Variants in ITGA2 observed in about 807,000 individuals in gnomAD.
The protein encoded by ITGA2 is integrin subunit alpha 2.
ITGA2 carries 101 observed loss-of-function variants against 146.3 expected under a neutral mutation model. That is an observed-to-expected ratio of 0.69 (90% CI 0.59 to 0.81). The LOEUF (loss-of-function observed/expected upper bound fraction) is 0.81, where lower values mean the gene tolerates loss of function less well. ITGA2 is among the 40% of genes least tolerant of loss of function. The probability of loss-of-function intolerance (pLI) is 0.00; values close to 1 mark genes in which losing one functional copy is unlikely to be tolerated. For synonymous variants in ITGA2, 477 were observed against 487.1 expected (o/e 0.98, Z 0.27); for missense variants, 1,281 against 1,402.7 (o/e 0.91, Z 1.39).
chr5:53,080,477 G>T (rs574863995), intron 24 of ITGA2, 34 bp from the exon 25 acceptor site: 22 of 1,526,298 alleles, frequency 1.4e-5, no homozygotes, highest in Middle Eastern at 3.4e-4. Context: ...TGTACATCCT[G>T]TTGCAGTACT....
Position 53,055,557 on chromosome 5 carries a change from G to T in ITGA2, c.799G>T (p.Ala267Ser). The change falls in exon 8 of 30, where the codon GCT becomes TCT. Residue 267 changes from alanine (A) to serine (S), a missense_variant. Transcript: ENST00000296585. Reference sequence around the variant, plus strand: ...CCACAGAAAATATGCTTATTCAGCAGCTTCTGGTGGGCGACGAAGTGCTAC... The same window carrying T: ...CCACAGAAAATATGCTTATTCAGCATCTTCTGGTGGGCGACGAAGTGCTAC... ...QYARKYAYSA[A>S]SGGRRSATKV... 1 of 1,613,000 alleles carries T rather than the reference G, an allele frequency of 6.2e-7. No individual in the cohort carries two copies. The highest frequency in any genetic ancestry group is 8.5e-7 in the Non-Finnish European group (1 of 1,179,280).
chr5:53,087,835 C>T (rs544599401), intron 28 of ITGA2, among the ~76,000 whole-genome samples: 1 of 152,308 alleles, frequency 6.6e-6, no homozygotes, highest in East Asian at 1.9e-4. Flanking sequence ...GAGTTGAAAG[C>T]CAGTTTAAGA....
At chr5:53,047,237 T>C (rs1248158198) in intron 4 of ITGA2, among the ~76,000 whole-genome samples, 1 of 152,244 alleles carries the variant, frequency 6.6e-6, no homozygotes, top group Non-Finnish European at 1.5e-5. Flanking sequence ...TTATAACTGA[T>C]TCACAACTTT....
intron 1 of ITGA2, among the ~76,000 whole-genome samples, chr5:53,010,875 G>A (rs1742089991): frequency 6.6e-6 from 1 of 152,084 alleles, no homozygotes. Flanking sequence ...TTATCTGGGT[G>A]AGAGCTAAAT....
Position 53,067,101 on chromosome 5 carries a change from C to T in ITGA2, c.1944-17C>T. 4 of 1,607,788 alleles carry T rather than the reference C, an allele frequency of 2.5e-6. No individual in the cohort carries two copies. Among genetic ancestry groups the T allele is most frequent in the Non-Finnish European group, 3.4e-6 (4 of 1,177,054 alleles). The stretch of plus-strand genomic sequence containing the variant: ...AGTAATAACATCCATCCATCTGTTA[C>T]TCTTTATGTCTTTTAGGTCACAAAG... On this transcript the variant is annotated splice_polypyrimidine_tract_variant and intron_variant, in intron 15 of 29. Transcript: ENST00000296585.
chr5:53,058,194 CTAGGGA>C, intron 10 of ITGA2, 93 bp downstream of exon 10: 1 of 914,116 alleles, frequency 1.1e-6, no homozygotes, highest in South Asian at 1.3e-5. Context: ...AGACAGCCAT[CTAGGGA>C]TCAGCCCTTC....
In ITGA2 at chr5:53,085,922, T is replaced by C. The variant is rs116019117; in HGVS notation, c.3259-1030T>C. ...TATTGAAAAAATAGACTTTTTTTTT[T>C]CCCCCAGACAGAGCCTTGCTCTGTT... On this transcript the variant is annotated intron_variant, in intron 27 of 29. Transcript: ENST00000296585. Among the ~76,000 whole-genome samples, 375 of 152,112 alleles carry C rather than the reference T, an allele frequency of 2.5e-3. 1 individual carries two copies. The highest frequency in any genetic ancestry group is 8.0e-3 in the African/African-American group (331 of 41,478).
rs908910861 is a variant in ITGA2 at position 53,070,313 on chromosome 5, A to G, written c.2235+53A>G. 27 of 1,583,256 alleles carry G rather than the reference A, an allele frequency of 1.7e-5. No individual in the cohort carries two copies. In the African/African-American group the frequency reaches 3.4e-4, roughly 20 times the overall value. The stretch of plus-strand genomic sequence containing the variant: ...CTTTATTTCTTCCTAAAGACGAGAG[A>G]GTGGTAAAAGTCAAAAATGGAAGCT... On this transcript the variant is annotated intron_variant, in intron 17 of 29. Transcript: ENST00000296585.
chr5:53,047,662 A>G (rs894482734), intron 4 of ITGA2, among the ~76,000 whole-genome samples: 2 of 152,120 alleles, frequency 1.3e-5, no homozygotes, highest in Non-Finnish European at 2.9e-5. Flanking sequence ...AACACAACCT[A>G]TTTCATACCC....
rs369644820 is a variant in ITGA2 at position 53,006,883 on chromosome 5, A to T, written c.64+17351A>T. On this transcript the variant is annotated intron_variant, in intron 1 of 29. Transcript: ENST00000296585. ...AACATAAAAAAAAATTCATTAATCA[A>T]CTTCATCAATTCAGAGGTTCTGGAT... Among the ~76,000 whole-genome samples, 32 of 152,316 alleles carry T rather than the reference A, an allele frequency of 2.1e-4. No individual in the cohort carries two copies. The East Asian group carries it at 6.0e-3, about 28-fold the overall frequency.
intron 7 of ITGA2, among the ~76,000 whole-genome samples, chr5:53,054,824 T>A (rs993110327): frequency 6.6e-6 from 1 of 151,962 alleles, no homozygotes; most frequent in African/African-American, 2.4e-5. Flanking sequence ...AGACTACAAA[T>A]TGGATTCAGT....
intron 1 of ITGA2, among the ~76,000 whole-genome samples, chr5:52,992,765 T>C (rs1024137498): frequency 7.2e-5 from 11 of 152,348 alleles, no homozygotes; most frequent in African/African-American, 2.6e-4. Flanking sequence ...ATTACTGCTT[T>C]GTTTCAAATG....
At chr5:53,022,140 A>T (rs1474873426) in intron 1 of ITGA2, among the ~76,000 whole-genome samples, 1 of 152,122 alleles carries the variant, frequency 6.6e-6, no homozygotes, top group Non-Finnish European at 1.5e-5. Flanking sequence ...ATAAAATGAC[A>T]TGTTTTGTTT....
At chr5:53,011,438 C>CA (rs1742119678) in intron 1 of ITGA2, among the ~76,000 whole-genome samples, 5 of 152,156 alleles carry the variant, frequency 3.3e-5, no homozygotes, top group Admixed American at 3.3e-4. Context: ...CCTGTTGCTG[C>CA]AGGTTTCCAA....
chr5:53,025,787 T>C (rs974939624), intron 1 of ITGA2, among the ~76,000 whole-genome samples: 1 of 152,210 alleles, frequency 6.6e-6, no homozygotes, highest in African/African-American at 2.4e-5. Context: ...AAGGTAAATA[T>C]TGATCTTAAG....
intron 21 of ITGA2, 92 bp from the exon 22 acceptor site, chr5:53,074,969 G>A (rs2112007375): frequency 4.8e-6 from 4 of 824,922 alleles, no homozygotes; most frequent in Middle Eastern, 6.9e-4. Context: ...TCAAATTTGA[G>A]TGAGTTTACT....
At chr5:53,061,875 G>A (rs1163597317) in intron 12 of ITGA2, among the ~76,000 whole-genome samples, 1 of 151,900 alleles carries the variant, frequency 6.6e-6, no homozygotes, top group African/African-American at 2.4e-5. Flanking sequence ...GGAGTAAGAA[G>A]ACCCGAGTTC....
chr5:53,073,372 A>G lies in ITGA2; in HGVS notation c.2571+113A>G, dbSNP rs1313317513. On this transcript the variant is annotated intron_variant, in intron 20 of 29. Transcript: ENST00000296585. ...AGCACCTTAACCCTCAACATGATCA[A>G]TCTGAACTTTGTGGCTTCCGACTAG... The G allele has an allele frequency of 3.9e-5, 46 of 1,164,654 alleles. No homozygotes were observed. The Admixed American group carries it at 5.8e-4, about 15-fold the overall frequency. 72.1% of individuals were successfully genotyped at this position (1,164,654 alleles called of 1,614,324 possible). A position where few individuals can be genotyped will look rare whatever the true frequency, so the allele number is the denominator to read the frequency against.
intron 23 of ITGA2, 53 bp from the exon 24 acceptor site, chr5:53,078,719 T>G: frequency 1.9e-6 from 2 of 1,051,686 alleles, no homozygotes; most frequent in Non-Finnish European, 3.0e-6. Context: ...AATATTAACC[T>G]TCAAGAACAA....
Sources: gnomAD v4.1 joint callset for allele counts (sites outside exome capture counted in the v4.1 genomes callset) on GRCh38, gnomAD v4.1.1 for gene constraint, MANE v1.5 for transcripts, NCBI Gene and HGNC (gene_info 2026-07-23, HGNC 2026-07-21) for gene names.